The following FRMD3 variants were observed in gnomAD, a reference collection of about 807,000 sequenced individuals.
The protein encoded by FRMD3 is FERM domain containing 3, also known as FERM domain-containing protein 3.
A neutral mutation model predicts 70.2 loss-of-function variants in FRMD3; 33 were observed. The ratio of observed to expected loss-of-function variants is 0.47; its 90% CI spans 0.36 to 0.63. The LOEUF (loss-of-function observed/expected upper bound fraction) is 0.63. Among genes scored for constraint, FRMD3 ranks in the 20% least tolerant of loss-of-function variants. The pLI, the probability that FRMD3 is intolerant of heterozygous loss-of-function variation, is 0.00. For synonymous variants in FRMD3, 279 were observed against 255.9 expected (o/e 1.09, Z -0.86); for missense variants, 632 against 711.4 (o/e 0.89, Z 1.27).
intron 1 of FRMD3, among the ~76,000 whole-genome samples, chr9:83,496,879 C>T (rs768632107): frequency 5.9e-5 from 9 of 152,050 alleles, no homozygotes; most frequent in Non-Finnish European, 1.2e-4. Context: ...TTTGGGAGGC[C>T]GAGGCAGGCG....
intron 1 of FRMD3, among the ~76,000 whole-genome samples, chr9:83,511,207 A>C (rs1829331567): frequency 6.6e-6 from 1 of 152,196 alleles, no homozygotes; most frequent in Non-Finnish European, 1.5e-5. Flanking sequence ...TGACTTACTT[A>C]GGAAATGACT....
Position 83,538,244 on chromosome 9 carries a change from T to C in FRMD3, c.-13A>G, listed in dbSNP as rs4529536. On this transcript the variant is annotated 5_prime_UTR_variant, in exon 1 of 14. Transcript: ENST00000304195. This position sits in a 1 kb window ranked among gnomAD's most constrained non-coding sequence, Gnocchi z 4.7. ...AGGAGGCGAACATGCACCGCGGCCG[T>C]GGGGAGCGAGCGGGAGGCTCAGGGC... 27 of 1,551,234 alleles carry C rather than the reference T, an allele frequency of 1.7e-5. 1 individual carries two copies. The highest frequency in any genetic ancestry group is 1.8e-4 in the Middle Eastern group (1 of 5,408).
chr9:83,304,058 G>C (rs1278901409), intron 10 of FRMD3, among the ~76,000 whole-genome samples: 1 of 152,196 alleles, frequency 6.6e-6, no homozygotes, highest in African/African-American at 2.4e-5. Flanking sequence ...CCAAGTTGTA[G>C]TATCAGTTCT....
chr9:83,247,678 A>C lies in FRMD3; in HGVS notation c.*240T>G. On this transcript the variant is annotated 3_prime_UTR_variant, in exon 14 of 14. Transcript: ENST00000304195. Reference sequence around the variant, plus strand: ...AGGGTATGTCTACACTATAATAAAAAATAAACATATTTTTGGTTATTTAAA... The same window carrying C: ...AGGGTATGTCTACACTATAATAAAACATAAACATATTTTTGGTTATTTAAA... 1.6e-6 allele frequency: 2 copies of C among 1,263,746 alleles called. No individual in the cohort carries two copies. The highest frequency in any genetic ancestry group is 1.0e-6 in the Non-Finnish European group (1 of 985,910). The allele number at this position is 1,263,746 out of a possible 1,614,324, so 78.3% of individuals were successfully genotyped here.
At chr9:83,462,914 T>A (rs1446424001) in intron 1 of FRMD3, among the ~76,000 whole-genome samples, 1 of 152,200 alleles carries the variant, frequency 6.6e-6, no homozygotes, top group Non-Finnish European at 1.5e-5. Flanking sequence ...GCCATAAAAT[T>A]GACTTCATTA....
At chr9:83,368,609 A>G (rs1824867722) in intron 3 of FRMD3, among the ~76,000 whole-genome samples, 1 of 152,244 alleles carries the variant, frequency 6.6e-6, no homozygotes, top group South Asian at 2.1e-4. Context: ...TAGCTTTTCA[A>G]TTAAACAGAC....
the FRMD3 span, among the ~76,000 whole-genome samples, chr9:83,548,568 T>C: frequency 6.6e-6 from 1 of 152,078 alleles, no homozygotes; most frequent in Admixed American, 6.6e-5. Context: ...TTACCATGAG[T>C]TCAGGAGAGT....
At chr9:83,358,365 T>G (rs1401287096) in intron 3 of FRMD3, among the ~76,000 whole-genome samples, 3 of 152,248 alleles carry the variant, frequency 2.0e-5, no homozygotes. Context: ...TCGGGTAATG[T>G]GATGCCTCCA....
intron 3 of FRMD3, among the ~76,000 whole-genome samples, chr9:83,364,710 T>C (rs1238234973): frequency 6.6e-6 from 1 of 152,258 alleles, no homozygotes; most frequent in African/African-American, 2.4e-5. Context: ...ATAAAACATA[T>C]TCTTAAATTT....
chr9:83,303,205 C>A (rs1310493088), intron 10 of FRMD3, among the ~76,000 whole-genome samples: 1 of 152,146 alleles, frequency 6.6e-6, no homozygotes, highest in Non-Finnish European at 1.5e-5. Context: ...TACTACTGAG[C>A]CTTTAATATG....
chr9:83,343,249 T>C lies in FRMD3; in HGVS notation c.413A>G (p.His138Arg), dbSNP rs1295970763. ...AGAAAAGGAGCACAGCAGGCGGCCA[T>C]GAAAAATGTCCCTTTTAATCTGAAG... ...LYLQIKRDIFHGRLLCSFSDA... is the reference protein window; with the variant it reads ...LYLQIKRDIFRGRLLCSFSDA... The change falls in exon 5 of 14, where the codon CAT (histidine) becomes CGT (arginine). Residue 138 changes from histidine to arginine, a missense_variant. His to Arg is a conservative substitution (Grantham distance 29). This residue lies in a region of FRMD3 where 208 missense variants were observed against 247.7 expected (regional missense o/e 0.84). Coordinates refer to ENST00000304195, the MANE Select transcript of FRMD3 (RefSeq NM_174938.6). 3 of 1,613,690 alleles carry C rather than the reference T, an allele frequency of 1.9e-6. No homozygotes were observed. Among genetic ancestry groups the C allele is most frequent in the Non-Finnish European group, 2.5e-6 (3 of 1,179,802 alleles).
the FRMD3 span, among the ~76,000 whole-genome samples, chr9:83,575,365 T>G: frequency 6.6e-6 from 1 of 152,258 alleles, no homozygotes; most frequent in East Asian, 1.9e-4. Flanking sequence ...AGAATGGTTT[T>G]CTCTATTTTT....
intron 1 of FRMD3, among the ~76,000 whole-genome samples, chr9:83,394,700 C>T (rs538869291): frequency 3.9e-5 from 6 of 152,282 alleles, no homozygotes; most frequent in African/African-American, 1.4e-4. Flanking sequence ...TTATCATTCT[C>T]TCACAGAACG....
In FRMD3 at chr9:83,465,147, C is replaced by G. The variant is rs546326518; in HGVS notation, c.147+72938G>C. On this transcript the variant is annotated intron_variant, in intron 1 of 13. Transcript: ENST00000304195. ...TCATTCTGTATTTTACACACATCAT[C>G]CATTCGATCTCACCAACAATATGTG... is the stretch of plus-strand genomic sequence containing the variant. Among the ~76,000 whole-genome samples, 46 of 152,282 alleles carry G rather than the reference C, an allele frequency of 3.0e-4. 1 individual carries two copies. In the South Asian group the frequency reaches 9.1e-3, roughly 30 times the overall value.
intron 1 of FRMD3, among the ~76,000 whole-genome samples, chr9:83,451,279 A>G (rs1194822901): frequency 6.6e-6 from 1 of 152,088 alleles, no homozygotes; most frequent in Admixed American, 6.6e-5. Context: ...AGAGCAATAG[A>G]TATCAGTGCT....
At chr9:83,479,676 G>A (rs1828499422) in intron 1 of FRMD3, among the ~76,000 whole-genome samples, 6 of 48,808 alleles carry the variant, frequency 1.2e-4, no homozygotes, top group African/African-American at 6.7e-4. Context: ...AGGAAGGAAA[G>A]AAAGAAAGAA....
intron 4 of FRMD3, among the ~76,000 whole-genome samples, chr9:83,347,040 T>C (rs1345902741): frequency 6.6e-6 from 1 of 152,248 alleles, no homozygotes; most frequent in African/African-American, 2.4e-5. Flanking sequence ...CATAAAAGCA[T>C]TTCTTTCTAC....
At chr9:83,542,584 T>C (rs1458874051), upstream of FRMD3, among the ~76,000 whole-genome samples, 1 of 152,220 alleles carries the variant, frequency 6.6e-6, no homozygotes, top group African/African-American at 2.4e-5. Flanking sequence ...CTAGTTACTT[T>C]GTGGATATCA....
intron 4 of FRMD3, among the ~76,000 whole-genome samples, chr9:83,345,778 A>T (rs1055874996): frequency 5.9e-5 from 9 of 151,896 alleles, no homozygotes; most frequent in East Asian, 2.0e-4. Flanking sequence ...AAAAATAAAG[A>T]AATTAATTAA....
Sources: gnomAD v4.1 joint callset for allele counts (sites outside exome capture counted in the v4.1 genomes callset) on GRCh38, gnomAD v4.1.1 for gene constraint, gnomAD v4.1.1 regional missense constraint, Gnocchi (gnomAD v3.1) non-coding constraint, MANE v1.5 for transcripts, NCBI Gene and HGNC (gene_info 2026-07-23, HGNC 2026-07-21) for gene names.